The following ESRRG variants were observed in gnomAD, a reference collection of about 807,000 sequenced individuals.
The protein encoded by ESRRG is estrogen-related receptor gamma.
A neutral mutation model predicts 44.0 loss-of-function variants in ESRRG; 13 were observed. The ratio of observed to expected loss-of-function variants is 0.30; its 90% CI spans 0.19 to 0.47. The LOEUF (loss-of-function observed/expected upper bound fraction) is 0.47. Among genes scored for constraint, ESRRG ranks in the 20% least tolerant of loss-of-function variants. ESRRG has a pLI of 1.00. For synonymous variants in ESRRG, 215 were observed against 214.6 expected (o/e 1.00, Z -0.02); for missense variants, 395 against 580.6 (o/e 0.68, Z 3.29).
chr1:216,636,485 T>C (rs2065324814), intron 3 of ESRRG, among the ~76,000 whole-genome samples: 1 of 152,238 alleles, frequency 6.6e-6, no homozygotes, highest in Admixed American at 6.5e-5. Flanking sequence ...AAAGAGACAG[T>C]AGTAAAGGCC....
chr1:216,766,996 T>C (rs2093114495), intron 2 of ESRRG, among the ~76,000 whole-genome samples: 1 of 152,178 alleles, frequency 6.6e-6, no homozygotes, highest in African/African-American at 2.4e-5. Context: ...GAATCATTTA[T>C]AACCACTGAA....
At chr1:216,721,909 G>A (rs1374967214) in intron 1 of ESRRG, among the ~76,000 whole-genome samples, 3 of 152,112 alleles carry the variant, frequency 2.0e-5, no homozygotes, top group Non-Finnish European at 4.4e-5. Flanking sequence ...TGCAAGCACA[G>A]CCTTATAATC....
chr1:216,998,777 T>C (rs2076674554), intron 1 of ESRRG, among the ~76,000 whole-genome samples: 2 of 152,228 alleles, frequency 1.3e-5, no homozygotes, highest in African/African-American at 4.8e-5. Flanking sequence ...GTAAGAAGAA[T>C]ATAAATGGAT....
intron 1 of ESRRG, among the ~76,000 whole-genome samples, chr1:216,987,909 C>T (rs1033485887): frequency 6.6e-6 from 1 of 152,166 alleles, no homozygotes; most frequent in Non-Finnish European, 1.5e-5. Flanking sequence ...CTTTTTCACC[C>T]TTTGGTGGCA....
chr1:217,025,198 A>G (rs1459750176), intron 1 of ESRRG, among the ~76,000 whole-genome samples: 1 of 152,200 alleles, frequency 6.6e-6, no homozygotes, highest in African/African-American at 2.4e-5. Flanking sequence ...AGGAAAAGGC[A>G]TCCACAGAGT....
chr1:216,932,823 C>A (rs1040860180), intron 2 of ESRRG, among the ~76,000 whole-genome samples: 4 of 150,070 alleles, frequency 2.7e-5, no homozygotes, highest in African/African-American at 9.9e-5. Flanking sequence ...CCACTTTGGC[C>A]TCCCAAAGTG....
At chr1:216,864,919 T>C (rs1216165318) in intron 2 of ESRRG, 1 of 151,898 alleles carries the variant, frequency 6.6e-6, no homozygotes, top group Non-Finnish European at 1.5e-5. Flanking sequence ...TCTACCATCA[T>C]CACAGAGGCT....
At chr1:216,641,976 CA>C (rs1377055569) in intron 3 of ESRRG, among the ~76,000 whole-genome samples, 2 of 152,044 alleles carry the variant, frequency 1.3e-5, no homozygotes, top group African/African-American at 4.8e-5. Context: ...AGCCATAGTT[CA>C]AAAAATGGGG....
chr1:216,910,450 A>C (rs560056507), intron 2 of ESRRG, among the ~76,000 whole-genome samples: 3 of 152,218 alleles, frequency 2.0e-5, no homozygotes, highest in Non-Finnish European at 2.9e-5. Flanking sequence ...TTTTATTACA[A>C]GCACTCCAAT....
At chr1:216,610,968 C>T (rs550061898) in intron 3 of ESRRG, among the ~76,000 whole-genome samples, 17 of 151,928 alleles carry the variant, frequency 1.1e-4, no homozygotes, top group Admixed American at 3.3e-4. Context: ...GTTGGGAGGC[C>T]GAGGTGGGAG....
chr1:217,072,439 C>T (rs1163286424), intron 1 of ESRRG, among the ~76,000 whole-genome samples: 3 of 152,112 alleles, frequency 2.0e-5, no homozygotes, highest in African/African-American at 7.2e-5. Context: ...AATAATATTA[C>T]TGGTATTTAT....
chr1:216,880,062 C>T (rs1439852410), intron 2 of ESRRG, among the ~76,000 whole-genome samples: 1 of 151,934 alleles, frequency 6.6e-6, no homozygotes, highest in Non-Finnish European at 1.5e-5. Flanking sequence ...CATCACAGCA[C>T]TTTGGGAGTT....
At chr1:216,784,056 A>G in intron 2 of ESRRG, among the ~76,000 whole-genome samples, 1 of 152,018 alleles carries the variant, frequency 6.6e-6, no homozygotes, top group Admixed American at 6.6e-5. Context: ...CTCCTGAGCA[A>G]ATTACATTTC....
intron 4 of ESRRG, among the ~76,000 whole-genome samples, chr1:216,566,909 C>G (rs753332648): frequency 7.2e-5 from 11 of 152,150 alleles, no homozygotes; most frequent in Admixed American, 1.3e-4. Context: ...TTTGACATAG[C>G]TAAAATGTCC....
At chr1:216,836,019 C>T (rs1028960190) in intron 2 of ESRRG, among the ~76,000 whole-genome samples, 1 of 148,064 alleles carries the variant, frequency 6.8e-6, no homozygotes, top group South Asian at 2.1e-4. Context: ...GTTTACCTCT[C>T]AATCAAGTGA....
At chr1:216,898,184 C>T (rs1326137676) in intron 2 of ESRRG, among the ~76,000 whole-genome samples, 1 of 152,166 alleles carries the variant, frequency 6.6e-6, no homozygotes, top group Non-Finnish European at 1.5e-5. Context: ...TTCAGCAACT[C>T]AGTTTGCACC....
rs149606642 is a variant in ESRRG at position 216,973,863 on chromosome 1, G to A, written c.-105-34190C>T. Among the ~76,000 whole-genome samples the A allele has an allele frequency of 4.7e-3, 703 of 150,790 alleles. 8 individuals are homozygous for A. The highest frequency in any genetic ancestry group is 0.016 in the African/African-American group (666 of 41,230). ...AAAAAGAATAAAAGGATGAATGAAT[G>A]AATAGATGAATCCCAAATCTAGCTA... On this transcript the variant is annotated intron_variant, in intron 1 of 7. Coordinates refer to the ESRRG transcript ENST00000359162.
chr1:216,639,172 C>T (rs1461642883), intron 3 of ESRRG, among the ~76,000 whole-genome samples: 2 of 152,040 alleles, frequency 1.3e-5, no homozygotes, highest in Non-Finnish European at 2.9e-5. Context: ...ATAGAAGTCA[C>T]AAGTTTGGAA....
At position 216,523,595 on chromosome 1, in the gene ESRRG, T is replaced by C. The variant is rs1465962229; in HGVS notation, c.863-4174A>G. ...TTGAAAGTGTGAAGGGCAAAAAATA[T>C]CTGACGGCTAGTCTTCAAAAATACA... is the stretch of plus-strand genomic sequence containing the variant. On this transcript the variant is annotated intron_variant, in intron 5 of 6. Coordinates refer to ENST00000408911, the MANE Select transcript of ESRRG (RefSeq NM_001438.4). 7.9e-5 allele frequency among the ~76,000 whole-genome samples: 12 copies of C among 151,534 alleles called. 1 individual carries two copies. In the South Asian group the frequency reaches 1.9e-3, roughly 24 times the overall value.
Sources: allele counts gnomAD v4.1 joint callset (sites outside exome capture counted in the v4.1 genomes callset), GRCh38; gene constraint gnomAD v4.1.1; transcripts MANE v1.5; gene names NCBI Gene and HGNC (gene_info 2026-07-23, HGNC 2026-07-21).